Variants in PCM1 observed in about 807,000 individuals in gnomAD.
PCM1 encodes the protein pericentriolar material 1, also known as pericentriolar material 1 protein.
Under a neutral mutation model 241.9 loss-of-function variants are expected in PCM1, and 157 were observed. The ratio of observed to expected loss-of-function variants is 0.65; its 90% CI spans 0.57 to 0.74. The LOEUF is 0.74. PCM1 is among the 30% of genes least tolerant of loss of function. The probability of loss-of-function intolerance (pLI) is 0.00; values close to 1 mark genes in which losing one functional copy is unlikely to be tolerated. For synonymous variants in PCM1, 1,085 were observed against 784.9 expected, an observed-to-expected ratio of 1.38 and a Z score of -6.39; for missense variants, 3,478 against 2,360.1, an observed-to-expected ratio of 1.47 and a Z score of -9.81.
intron 30 of PCM1, among the ~76,000 whole-genome samples, chr8:18,007,827 A>G (rs976222139): frequency 3.3e-5 from 5 of 152,228 alleles, no homozygotes; most frequent in Admixed American, 2.0e-4. Flanking sequence ...ACTGTACTAG[A>G]TAAGATAGTC....
intron 29 of PCM1, among the ~76,000 whole-genome samples, chr8:18,004,786 C>T (rs1436658979): frequency 6.6e-6 from 1 of 152,158 alleles, no homozygotes; most frequent in Non-Finnish European, 1.5e-5. Flanking sequence ...ACTTCACTTT[C>T]TTCTTTCTAG....
Position 18,029,767 on chromosome 8 carries a change from AT to A in PCM1, c.*2109del. The A allele has an allele frequency of 5.1e-6, 1 of 195,546 alleles. No homozygotes were observed. Among genetic ancestry groups the A allele is most frequent in the Non-Finnish European group, 1.1e-5 (1 of 94,052 alleles). The allele number at this position is 195,546 out of a possible 1,614,324, so 12.1% of individuals were successfully genotyped here. On this transcript the variant is annotated 3_prime_UTR_variant, in exon 39 of 39. Coordinates refer to ENST00000325083, the MANE Select transcript of PCM1 (RefSeq NM_006197.4). ...ATTTGTCCTAATTTTGAAGTTAAAA[AT>A]TTTGGTTACAGATAGATAGAGGGAG... is the stretch of plus-strand genomic sequence containing the variant.
At chr8:17,988,698 G>A (rs1007659079) in intron 26 of PCM1, among the ~76,000 whole-genome samples, 2 of 151,878 alleles carry the variant, frequency 1.3e-5, no homozygotes, top group East Asian at 3.9e-4. Context: ...CTGGGCAAGA[G>A]ATTTGAACAG....
At chr8:17,938,478 C>G (rs563893458) in intron 4 of PCM1, among the ~76,000 whole-genome samples, 1 of 152,150 alleles carries the variant, frequency 6.6e-6, no homozygotes, top group African/African-American at 2.4e-5. Flanking sequence ...GGTACTCAAG[C>G]TGTACTTCAT....
intron 30 of PCM1, among the ~76,000 whole-genome samples, chr8:18,007,868 C>T (rs779835380): frequency 6.6e-6 from 1 of 152,022 alleles, no homozygotes; most frequent in African/African-American, 2.4e-5. Context: ...AGGCATTGAA[C>T]ATCATAGTTG....
chr8:17,986,014 C>T lies in PCM1; in HGVS notation c.4337C>T (p.Ser1446Leu). 6.3e-7 allele frequency: 1 copy of T among 1,595,944 alleles called. No homozygotes were observed. The highest frequency in any genetic ancestry group is 8.6e-7 in the Non-Finnish European group (1 of 1,166,772). The change falls in exon 26 of 39, where the codon TCA becomes TTA. Residue 1446 changes from serine to leucine, a missense_variant. Physicochemically the swap from Ser to Leu is moderately radical, Grantham distance 145. Transcript: ENST00000325083. The part of the protein sequence containing the change: ...ESHEKGENVK[S>L]VNSGTWIASN... The stretch of plus-strand genomic sequence containing the variant: ...CATGAAAAAGGAGAAAATGTAAAGT[C>T]AGTAAACTCTGGTACTTGGATAGCA...
At chr8:18,006,111 C>G in intron 29 of PCM1, 152 bp from the exon 30 acceptor site, 1 of 668,280 alleles carries the variant, frequency 1.5e-6, no homozygotes, top group Non-Finnish European at 2.4e-6. Context: ...TTTGGCTTTT[C>G]TTATGAATGG....
chr8:17,991,445 C>A, intron 27 of PCM1, 97 bp from the exon 28 acceptor site: 1 of 986,554 alleles, frequency 1.0e-6, no homozygotes. Flanking sequence ...TAATTTTCCT[C>A]CCTTTTGTTT....
At chr8:17,923,731 G>A (rs924133724) in intron 1 of PCM1, among the ~76,000 whole-genome samples, 2 of 152,148 alleles carry the variant, frequency 1.3e-5, no homozygotes, top group Admixed American at 6.5e-5. Context: ...CGCCGTCTCT[G>A]GTGCTGTGGG....
chr8:17,991,778 T>G, intron 28 of PCM1, 78 bp downstream of exon 28: 1 of 1,087,216 alleles, frequency 9.2e-7, no homozygotes, highest in Non-Finnish European at 1.3e-6. Context: ...TAGTGGTGAT[T>G]TCTGAGATTT....
rs1375212157 is a variant in PCM1, at chr8:17,939,814, C to A, written c.736C>A (p.Leu246Ile). The A allele has an allele frequency of 1.3e-6, 2 of 1,532,092 alleles. No individual in the cohort carries two copies. The highest frequency in any genetic ancestry group is 2.4e-5 in the East Asian group (1 of 42,042). The allele number at this position is 1,532,092 out of a possible 1,614,324, so 94.9% of individuals were successfully genotyped here. Reference sequence around the variant, plus strand: ...GCGCCTTACTCATCTAATAGATCACCTTAAAGAACAAGAGAAGTCATATAT... The same window carrying A: ...GCGCCTTACTCATCTAATAGATCACATTAAAGAACAAGAGAAGTCATATAT... ...VERLTHLIDHLKEQEKSYMKF... is the reference protein window; with the variant it reads ...VERLTHLIDHIKEQEKSYMKF... The change falls in exon 6 of 39, where the codon CTT becomes ATT. Residue 246 changes from leucine to isoleucine, a missense_variant. Physicochemically the swap from Leu to Ile is conservative, Grantham distance 5. Transcript: ENST00000325083.
chr8:17,986,310 G>C (rs1444207301), intron 26 of PCM1: 1 of 305,230 alleles, frequency 3.3e-6, no homozygotes, highest in Non-Finnish European at 6.0e-6. Flanking sequence ...TAGATTATGA[G>C]GTCTGAGATA....
chr8:18,007,791 C>G (rs1200074628), intron 30 of PCM1, among the ~76,000 whole-genome samples: 1 of 152,088 alleles, frequency 6.6e-6, no homozygotes, highest in African/African-American at 2.4e-5. Flanking sequence ...CCACAAAGCA[C>G]CCAGCATATG....
chr8:18,025,662 A>G lies in PCM1; in HGVS notation c.6049+4A>G, dbSNP rs1404057473. 6.9e-7 allele frequency: 1 copy of G among 1,457,310 alleles called. No homozygotes were observed. Among genetic ancestry groups the G allele is most frequent in the African/African-American group, 1.4e-5 (1 of 71,340 alleles). The allele number at this position is 1,457,310 out of a possible 1,614,324, so 90.3% of individuals were successfully genotyped here. A position where few individuals can be genotyped will look rare whatever the true frequency, so the allele number is the denominator to read the frequency against. Reference sequence around the variant, plus strand: ...TCTGAGACACTAAAAGAACCTGGTAAGAGTTATCAATTTAAATCTTGCCAT... The same window carrying G: ...TCTGAGACACTAAAAGAACCTGGTAGGAGTTATCAATTTAAATCTTGCCAT... On this transcript the variant is annotated splice_donor_region_variant and intron_variant, in intron 38 of 38. Coordinates refer to ENST00000325083, the MANE Select transcript of PCM1 (RefSeq NM_006197.4).
At chr8:17,987,827 T>TA (rs1440589305) in intron 26 of PCM1, among the ~76,000 whole-genome samples, 3 of 151,894 alleles carry the variant, frequency 2.0e-5, no homozygotes, top group Non-Finnish European at 4.4e-5. Flanking sequence ...TACATGTGGC[T>TA]AGCAAGTACT....
intron 17 of PCM1, among the ~76,000 whole-genome samples, chr8:17,963,929 C>A (rs954247320): frequency 2.0e-5 from 3 of 152,106 alleles, no homozygotes; most frequent in Admixed American, 6.5e-5. Context: ...AACTTCTATT[C>A]TTGGGGTCCC....
chr8:17,944,624 A>G (rs2063200877), intron 6 of PCM1, among the ~76,000 whole-genome samples: 1 of 152,164 alleles, frequency 6.6e-6, no homozygotes, highest in South Asian at 2.1e-4. Flanking sequence ...TTGAAGAATT[A>G]ATATACACCT....
chr8:17,927,219 C>G (rs181104513), intron 2 of PCM1: 1 of 151,082 alleles, frequency 6.6e-6, no homozygotes, highest in Non-Finnish European at 1.5e-5. Flanking sequence ...CCTCTCCTCC[C>G]GAGTTCAAGC....
intron 38 of PCM1, among the ~76,000 whole-genome samples, chr8:18,025,895 T>G (rs1287074234): frequency 6.6e-6 from 1 of 152,060 alleles, no homozygotes; most frequent in African/African-American, 2.4e-5. Flanking sequence ...CTGGGCGCGG[T>G]GGCTCACGCC....
Sources: gnomAD v4.1 joint callset for allele counts (sites outside exome capture counted in the v4.1 genomes callset) on GRCh38, gnomAD v4.1.1 for gene constraint, MANE v1.5 for transcripts, NCBI Gene and HGNC (gene_info 2026-07-23, HGNC 2026-07-21) for gene names.